Variants in PCNX4 observed in about 807,000 individuals in gnomAD.
PCNX4 encodes pecanex 4.
In PCNX4, 103 loss-of-function variants were observed where a neutral mutation model predicts 107.2. The ratio of observed to expected loss-of-function variants is 0.96; its 90% CI spans 0.82 to 1.13. The LOEUF is 1.13. PCNX4 is among the 50% of genes most tolerant of loss of function. PCNX4 has a pLI of 0.00. For synonymous variants in PCNX4, 541 were observed against 481.7 expected, an observed-to-expected ratio of 1.12 and a Z score of -1.61; for missense variants, 1,528 against 1,379.4, an observed-to-expected ratio of 1.11 and a Z score of -1.71.
At chr14:60,099,155 T>G (rs1224395923) in intron 1 of PCNX4, among the ~76,000 whole-genome samples, 2 of 152,188 alleles carry the variant, frequency 1.3e-5, no homozygotes, top group Non-Finnish European at 2.9e-5. Context: ...TAGTAGCAAG[T>G]GATTTTTATC....
intron 2 of PCNX4, chr14:60,110,099 C>T (rs1050656421): frequency 6.0e-6 from 1 of 166,992 alleles, no homozygotes; most frequent in African/African-American, 2.4e-5. Context: ...AAGAGAACAC[C>T]AAAAGTGTGG....
At chr14:60,122,261 T>A (rs72718098) in intron 8 of PCNX4, among the ~76,000 whole-genome samples, 269 of 152,296 alleles carry the variant, frequency 1.8e-3, no homozygotes, top group Non-Finnish European at 3.3e-3. Flanking sequence ...TCAGCCAGAA[T>A]GATCTTTAAA....
chr14:60,135,328 A>T lies in PCNX4; in HGVS notation c.*1107A>T, dbSNP rs989719169. On this transcript the variant is annotated 3_prime_UTR_variant, in exon 11 of 11. Coordinates refer to ENST00000406854, the MANE Select transcript of PCNX4 (RefSeq NM_001330177.2). ...GTTCACTCTAACAATGTTAAAGGAT[A>T]AACTTTTTGGACCAATTTTCAGTTA... 4 of 152,362 alleles carry T rather than the reference A, an allele frequency of 2.6e-5. No individual in the cohort carries two copies. Among genetic ancestry groups the T allele is most frequent in the Non-Finnish European group, 4.4e-5 (3 of 68,032 alleles). 9.4% of individuals were successfully genotyped at this position (152,362 alleles called of 1,614,324 possible).
At position 60,124,720 on chromosome 14, in the gene PCNX4, AT is replaced by A; in HGVS notation, c.2552del (p.Leu851CysfsTer7). The A allele has an allele frequency of 6.2e-7, 1 of 1,613,140 alleles. No individual in the cohort carries two copies. Among genetic ancestry groups the A allele is most frequent in the Non-Finnish European group, 8.5e-7 (1 of 1,179,764 alleles). On this transcript the variant is annotated frameshift_variant, in exon 9 of 11. Coordinates refer to ENST00000406854, the MANE Select transcript of PCNX4 (RefSeq NM_001330177.2). LOFTEE classifies it high-confidence loss of function. Reference protein sequence around the residue: ...KHQLKDLPGTNLFIPGSVESQ... With the variant: ...KHQLKDLPGTXLFIPGSVESQ... ...CAGTTGAAAGATTTGCCAGGTACAA[AT>A]TTGTTTATTCCAGGATCAGTAGAAT... is the stretch of plus-strand genomic sequence containing the variant.
rs747288259 is a variant in PCNX4, at chr14:60,124,577, A to G, written c.2406A>G (p.Pro802=). The G allele has an allele frequency of 1.9e-6, 3 of 1,613,796 alleles. No homozygotes were observed. Among genetic ancestry groups the G allele is most frequent in the Non-Finnish European group, 1.7e-6 (2 of 1,179,778 alleles). ...PLMLPALNTL[P]PPKSPEDIDS... ...TGTTGCCTGCTTTGAACACTTTGCCACCTCCCAAATCCCCAGAAGACATAG... is the reference window on the plus strand; with the variant it reads ...TGTTGCCTGCTTTGAACACTTTGCCGCCTCCCAAATCCCCAGAAGACATAG... The change falls in exon 9 of 11, where the codon CCA becomes CCG. Residue 802 remains proline (P), a synonymous_variant. Transcript: ENST00000406854.
At chr14:60,104,800 T>A (rs528299650) in intron 1 of PCNX4, among the ~76,000 whole-genome samples, 8 of 152,252 alleles carry the variant, frequency 5.3e-5, no homozygotes, top group Admixed American at 4.6e-4. Flanking sequence ...ACCAGGTCCC[T>A]CCGACAACAC....
At position 60,102,731 on chromosome 14, in the gene PCNX4, GTGGCA is replaced by G. The variant is rs1488498965; in HGVS notation, c.-53-4853_-53-4849del. Among the ~76,000 whole-genome samples the G allele has an allele frequency of 4.6e-5, 7 of 152,176 alleles. No individual in the cohort carries two copies. The East Asian group carries it at 1.2e-3, about 25-fold the overall frequency. ...CGTTTTTTATTTGAATATTGTAGAG[GTGGCA>G]TCCATACCAATGCATCAGTTCTTCT... On this transcript the variant is annotated intron_variant, in intron 1 of 10. Coordinates refer to ENST00000406854, the MANE Select transcript of PCNX4 (RefSeq NM_001330177.2).
chr14:60,118,693 G>A lies in PCNX4; in HGVS notation c.1942+1G>A, dbSNP rs1440197361. On this transcript the variant is annotated splice_donor_variant, in intron 7 of 10. Transcript: ENST00000406854. LOFTEE classifies it high-confidence loss of function. The stretch of plus-strand genomic sequence containing the variant: ...ACTGCAATGGCAGCTGGAAGTTTAG[G>A]TAAGTAAATGGGTTGTGCTCAAGAA... 1.9e-6 allele frequency: 3 copies of A among 1,562,118 alleles called. No homozygotes were observed. Among genetic ancestry groups the A allele is most frequent in the Non-Finnish European group, 2.6e-6 (3 of 1,150,054 alleles).
intron 2 of PCNX4, chr14:60,110,733 C>T (rs943082437): frequency 2.4e-5 from 4 of 167,032 alleles, no homozygotes; most frequent in Non-Finnish European, 4.4e-5. Flanking sequence ...GAATTTTAGC[C>T]ATCAGAGTTA....
chr14:60,144,023 T>G lies in PCNX4; in HGVS notation c.*9802T>G, dbSNP rs1707148529. On this transcript the variant is annotated 3_prime_UTR_variant, in exon 11 of 11. Transcript: ENST00000406854. ...CCTTGACCTTGGAAAAGTAAAACCTTGTTGGTCTTTCTTCATCTATCAAGG... is the reference window on the plus strand; with the variant it reads ...CCTTGACCTTGGAAAAGTAAAACCTGGTTGGTCTTTCTTCATCTATCAAGG... 2 of 152,266 alleles carry G rather than the reference T, an allele frequency of 1.3e-5. No individual in the cohort carries two copies. Among genetic ancestry groups the G allele is most frequent in the Non-Finnish European group, 2.9e-5 (2 of 68,060 alleles). The allele number at this position is 152,266 out of a possible 1,614,324, so 9.4% of individuals were successfully genotyped here.
At position 60,094,990 on chromosome 14, in the gene PCNX4, A is replaced by T. The variant is rs139158461; in HGVS notation, c.-54+2571A>T. ...TTCACCTGATACTTGATTTTAAAAG[A>T]AAAGTTTTTCAACCCAGGGAATTTA... On this transcript the variant is annotated intron_variant, in intron 1 of 10. Coordinates refer to ENST00000406854, the MANE Select transcript of PCNX4 (RefSeq NM_001330177.2). 2.0e-3 allele frequency among the ~76,000 whole-genome samples: 307 copies of T among 152,308 alleles called. 3 individuals carry two copies. The highest frequency in any genetic ancestry group is 6.9e-3 in the African/African-American group (288 of 41,560).
chr14:60,126,150 G>T (rs1474905167), intron 10 of PCNX4: 2 of 161,734 alleles, frequency 1.2e-5, no homozygotes, highest in Non-Finnish European at 2.7e-5. Flanking sequence ...TCAAGTGTAT[G>T]AATCATCACT....
At position 60,135,954 on chromosome 14, in the gene PCNX4, A is replaced by C. The variant is rs751441247; in HGVS notation, c.*1733A>C. The C allele has an allele frequency of 6.6e-6, 1 of 152,138 alleles. No individual in the cohort carries two copies. Among genetic ancestry groups the C allele is most frequent in the Non-Finnish European group, 1.5e-5 (1 of 68,020 alleles). 9.4% of individuals were successfully genotyped at this position (152,138 alleles called of 1,614,324 possible). ...AATTTTAAGTTGTTTAGAGATTTTC[A>C]CTGTGATAATAATGTCAAGCTATGC... On this transcript the variant is annotated 3_prime_UTR_variant, in exon 11 of 11. Coordinates refer to ENST00000406854, the MANE Select transcript of PCNX4 (RefSeq NM_001330177.2).
chr14:60,108,681 A>G (rs968292383), intron 2 of PCNX4: 3 of 170,048 alleles, frequency 1.8e-5, no homozygotes, highest in Non-Finnish European at 2.8e-5. Context: ...TAAAATTTAT[A>G]CATATAAATA....
rs544281582 is a variant in PCNX4, at chr14:60,118,193, A to C, written c.1579-136A>C. 20 of 1,283,920 alleles carry C rather than the reference A, an allele frequency of 1.6e-5. No homozygotes were observed. In the South Asian group the frequency reaches 4.0e-4, roughly 26 times the overall value. The allele number at this position is 1,283,920 out of a possible 1,614,324, so 79.5% of individuals were successfully genotyped here. A position where few individuals can be genotyped will look rare whatever the true frequency, so the allele number is the denominator to read the frequency against. On this transcript the variant is annotated intron_variant, in intron 6 of 10. Transcript: ENST00000406854. The stretch of plus-strand genomic sequence containing the variant: ...TGAGGTTGGAGAAAATTAACAAAAA[A>C]ATCAAAGAATAAGATTTATTTCTTC...
At chr14:60,098,020 A>G (rs1250886427) in intron 1 of PCNX4, among the ~76,000 whole-genome samples, 1 of 152,126 alleles carries the variant, frequency 6.6e-6, no homozygotes, top group African/African-American at 2.4e-5. Flanking sequence ...GAGGACCATC[A>G]TTTTAAGTTT....
intron 7 of PCNX4, among the ~76,000 whole-genome samples, chr14:60,120,109 A>G (rs1305404915): frequency 1.3e-5 from 2 of 152,168 alleles, no homozygotes; most frequent in African/African-American, 2.4e-5. Flanking sequence ...GACAGCTAAG[A>G]TTTATTACAC....
chr14:60,102,661 T>G (rs2140532961), intron 1 of PCNX4, among the ~76,000 whole-genome samples: 1 of 152,338 alleles, frequency 6.6e-6, no homozygotes, highest in South Asian at 2.1e-4. Context: ...TCTTTATCCC[T>G]TAAGTTCTCT....
At chr14:60,104,525 T>C (rs985085028) in intron 1 of PCNX4, among the ~76,000 whole-genome samples, 2 of 152,140 alleles carry the variant, frequency 1.3e-5, no homozygotes, top group African/African-American at 4.8e-5. Flanking sequence ...TATTCATCTG[T>C]TTTCACACTG....
Sources: gnomAD v4.1 joint callset for allele counts (sites outside exome capture counted in the v4.1 genomes callset) on GRCh38, gnomAD v4.1.1 for gene constraint, MANE v1.5 for transcripts, NCBI Gene and HGNC (gene_info 2026-07-23, HGNC 2026-07-21) for gene names.